The following NKAIN2 variants were observed in gnomAD, a reference collection of about 807,000 sequenced individuals.
The protein encoded by NKAIN2 is sodium/potassium-transporting ATPase subunit beta-1-interacting protein 2.
Under a neutral mutation model 32.6 loss-of-function variants are expected in NKAIN2, and 14 were observed. That is an observed-to-expected ratio of 0.43 (90% CI 0.28 to 0.67). The LOEUF is 0.67. NKAIN2 is among the 30% of genes least tolerant of loss of function. The pLI, the probability that NKAIN2 is intolerant of heterozygous loss-of-function variation, is 0.17. For synonymous variants in NKAIN2, 80 were observed against 87.2 expected (o/e 0.92, Z 0.46); for missense variants, 198 against 258.3 (o/e 0.77, Z 1.60).
At chr6:123,945,240 C>T (rs980945260) in intron 1 of NKAIN2, among the ~76,000 whole-genome samples, 2 of 152,028 alleles carry the variant, frequency 1.3e-5, no homozygotes, top group Non-Finnish European at 2.9e-5. Context: ...ACCAAAGCCT[C>T]TAACTGGTCA....
chr6:124,360,239 TGG>T (rs1562513369), intron 3 of NKAIN2, among the ~76,000 whole-genome samples: 2 of 151,494 alleles, frequency 1.3e-5, no homozygotes, highest in African/African-American at 4.9e-5. Context: ...TTCTCTTTTT[TGG>T]TTGTGTCTCT....
intron 1 of NKAIN2, among the ~76,000 whole-genome samples, chr6:124,182,931 C>A (rs1789520270): frequency 6.6e-6 from 1 of 152,000 alleles, no homozygotes; most frequent in African/African-American, 2.4e-5. Flanking sequence ...GATTTTGTGC[C>A]ATGTATTAGA....
intron 1 of NKAIN2, among the ~76,000 whole-genome samples, chr6:124,173,308 C>T (rs547150627): frequency 3.7e-4 from 56 of 152,172 alleles, no homozygotes; most frequent in African/African-American, 1.3e-3. Context: ...TCTACACATT[C>T]ATTTTAGCAT....
intron 3 of NKAIN2, among the ~76,000 whole-genome samples, chr6:124,363,614 T>C (rs1029105898): frequency 3.9e-5 from 6 of 152,186 alleles, no homozygotes; most frequent in Admixed American, 3.9e-4. Context: ...AAGGACTCTA[T>C]AGAATAAACT....
chr6:124,749,854 C>G (rs1471735812), intron 4 of NKAIN2, among the ~76,000 whole-genome samples: 1 of 151,902 alleles, frequency 6.6e-6, no homozygotes, highest in African/African-American at 2.4e-5. Flanking sequence ...CCATTTCCCA[C>G]TATTTCCCCT....
intron 1 of NKAIN2, among the ~76,000 whole-genome samples, chr6:123,851,308 G>C (rs1438506802): frequency 8.0e-6 from 1 of 125,444 alleles, no homozygotes; most frequent in African/African-American, 3.1e-5. Context: ...GGAGTGCAAT[G>C]GTGCAATCTC....
intron 3 of NKAIN2, among the ~76,000 whole-genome samples, chr6:124,489,415 A>C (rs1330389452): frequency 6.6e-6 from 1 of 151,900 alleles, no homozygotes; most frequent in Non-Finnish European, 1.5e-5. Flanking sequence ...ATTCACTTAT[A>C]GCTCATGTTC....
chr6:124,005,042 T>C (rs1780021296), intron 1 of NKAIN2, among the ~76,000 whole-genome samples: 1 of 151,992 alleles, frequency 6.6e-6, no homozygotes, highest in Admixed American at 6.6e-5. Flanking sequence ...TTGGTCAAGA[T>C]AGTGAAACCC....
intron 1 of NKAIN2, among the ~76,000 whole-genome samples, chr6:124,043,933 T>G (rs1003266308): frequency 1.3e-5 from 2 of 152,046 alleles, no homozygotes; most frequent in African/African-American, 4.8e-5. Context: ...CAAACCATAG[T>G]GTATTGCAAA....
intron 1 of NKAIN2, among the ~76,000 whole-genome samples, chr6:124,150,139 G>A (rs1375435483): frequency 6.6e-6 from 1 of 152,030 alleles, no homozygotes; most frequent in African/African-American, 2.4e-5. Context: ...AGAACCTTCC[G>A]ACCTTTCAGA....
chr6:124,520,350 T>C (rs1285449434), intron 3 of NKAIN2, among the ~76,000 whole-genome samples: 4 of 152,192 alleles, frequency 2.6e-5, no homozygotes, highest in Non-Finnish European at 5.9e-5. Context: ...TAATGAAAGA[T>C]AAACTTCTTC....
At chr6:124,803,336 A>C (rs1780352967) in intron 5 of NKAIN2, among the ~76,000 whole-genome samples, 1 of 152,090 alleles carries the variant, frequency 6.6e-6, no homozygotes, top group South Asian at 2.1e-4. Context: ...AAAGTAATCC[A>C]TCCACCAAGC....
At chr6:124,659,838 CTGTT>C (rs1370195042) in intron 4 of NKAIN2, among the ~76,000 whole-genome samples, 1 of 151,980 alleles carries the variant, frequency 6.6e-6, no homozygotes, top group Non-Finnish European at 1.5e-5. Context: ...AGAGGAAGGG[CTGTT>C]TATTTGGAAA....
In NKAIN2 at chr6:124,706,756, T is replaced by C. The variant is rs1215106977; in HGVS notation, c.474+48370T>C. ...TTTGACTCCACTGCTTAATCTGGCATGTAATGACTGTCCAACTGAAAAACT... is the reference window on the plus strand; with the variant it reads ...TTTGACTCCACTGCTTAATCTGGCACGTAATGACTGTCCAACTGAAAAACT... On this transcript the variant is annotated intron_variant, in intron 4 of 6. Transcript: ENST00000368417. Among the ~76,000 whole-genome samples, 5 of 152,336 alleles carry C rather than the reference T, an allele frequency of 3.3e-5. No homozygotes were observed. The East Asian group carries it at 9.7e-4, about 29-fold the overall frequency.
At chr6:124,518,138 T>C (rs561457997) in intron 3 of NKAIN2, among the ~76,000 whole-genome samples, 28 of 152,206 alleles carry the variant, frequency 1.8e-4, no homozygotes, top group African/African-American at 5.5e-4. Flanking sequence ...GAATTTATTT[T>C]ATTATGCCAT....
At chr6:123,931,984 A>C (rs1179302955) in intron 1 of NKAIN2, among the ~76,000 whole-genome samples, 2 of 152,164 alleles carry the variant, frequency 1.3e-5, no homozygotes, top group Admixed American at 6.5e-5. Context: ...TATATACTTA[A>C]AAATTCAAAA....
At chr6:123,826,122 A>G (rs1363293822) in intron 1 of NKAIN2, among the ~76,000 whole-genome samples, 2 of 152,148 alleles carry the variant, frequency 1.3e-5, no homozygotes, top group South Asian at 2.1e-4. Context: ...CACTGCTGAC[A>G]GAAGTCCCAG....
intron 3 of NKAIN2, among the ~76,000 whole-genome samples, chr6:124,385,298 GA>G (rs1264883833): frequency 6.6e-6 from 1 of 152,088 alleles, no homozygotes; most frequent in East Asian, 1.9e-4. Context: ...GAGAAGCTGT[GA>G]AAGGAGAAAC....
intron 4 of NKAIN2, among the ~76,000 whole-genome samples, chr6:124,681,149 T>C (rs1450630250): frequency 6.6e-6 from 1 of 151,984 alleles, no homozygotes; most frequent in Non-Finnish European, 1.5e-5. Context: ...ACTTTACAGA[T>C]CTATATTCTT....
Sources: allele counts gnomAD v4.1 joint callset (sites outside exome capture counted in the v4.1 genomes callset), GRCh38; gene constraint gnomAD v4.1.1; transcripts MANE v1.5; gene names NCBI Gene and HGNC (gene_info 2026-07-23, HGNC 2026-07-21).